Variants in MVD observed in about 807,000 individuals in gnomAD.
MVD encodes the protein diphosphomevalonate decarboxylase.
In MVD, 52 loss-of-function variants were observed where a neutral mutation model predicts 42.4. The observed-to-expected ratio is 1.23, with a 90% CI of 0.98 to 1.55. The LOEUF (loss-of-function observed/expected upper bound fraction) is 1.55. Among genes scored for constraint, MVD ranks in the 40% most tolerant of loss-of-function variants. The pLI, the probability that MVD is intolerant of heterozygous loss-of-function variation, is 0.00. For missense variants in MVD, 663 were observed against 572.1 expected (o/e 1.16, Z -1.62); for synonymous variants, 287 against 243.2 (o/e 1.18, Z -1.68).
rs577281388 is a variant in MVD at position 88,653,493 on chromosome 16, G to A, written c.1014-85C>T. 274 of 1,150,764 alleles carry A rather than the reference G, an allele frequency of 2.4e-4. 1 individual carries two copies. The African/African-American group carries it at 3.9e-3, about 17-fold the overall frequency. The allele number at this position is 1,150,764 out of a possible 1,614,324, so 71.3% of individuals were successfully genotyped here. ...TCTACAACAGGCAAGTCCAGAGATG[G>A]GAAGTGCATTCCTGGCCGTCAGGGC... On this transcript the variant is annotated intron_variant, in intron 8 of 9. Coordinates refer to ENST00000301012, the MANE Select transcript of MVD (RefSeq NM_002461.3).
chr16:88,652,573 G>C lies in MVD; in HGVS notation c.1155C>G (p.Pro385=), dbSNP rs772296266. 4 of 1,570,458 alleles carry C rather than the reference G, an allele frequency of 2.5e-6. No individual in the cohort carries two copies. In the South Asian group the frequency reaches 3.5e-5, roughly 14 times the overall value. ...VGPGPQILDD[P]CAHLLGPDGL... is the part of the protein sequence containing the mutation. The stretch of plus-strand genomic sequence containing the variant: ...CGTCAGGACCCAGGAGGTGGGCGCA[G>C]GGGTCATCCAGGATTTGAGGCCCTG... The change falls in exon 10 of 10, where the codon CCC becomes CCG. Residue 385 remains proline (P), a synonymous_variant. Coordinates refer to ENST00000301012, the MANE Select transcript of MVD (RefSeq NM_002461.3).
In MVD at chr16:88,655,313, G is replaced by A. The variant is rs1014224345; in HGVS notation, c.783C>T (p.Asn261=). 6 of 1,598,636 alleles carry A rather than the reference G, an allele frequency of 3.8e-6. No homozygotes were observed. The highest frequency in any genetic ancestry group is 1.3e-5 in the African/African-American group (1 of 74,808). Residue 261 remains asparagine, a synonymous_variant, in exon 7 of 10, where the codon AAC becomes AAT. Transcript: ENST00000301012. The stretch of plus-strand genomic sequence containing the variant: ...TGTCGAGGCAGGTGGCGTGGAACTG[G>A]TTGCTGTCCTTCATGGTCAGCTGGG... The part of the protein sequence containing the change: ...SFAQLTMKDS[N]QFHATCLDTF...
rs34888691 is a variant in MVD at position 88,652,597 on chromosome 16, T to C, written c.1131A>G (p.Pro377=). Residue 377 remains proline, a synonymous_variant, in exon 10 of 10, where the codon CCA becomes CCG. Transcript: ENST00000301012. ...VKYIIVTQVG[P]GPQILDDPCA... is the part of the protein sequence containing the mutation. The stretch of plus-strand genomic sequence containing the variant: ...AGGGGTCATCCAGGATTTGAGGCCC[T>C]GGCCCCACCTGGGGATAGAAATCCA... 7.8e-4 allele frequency: 1,215 copies of C among 1,557,602 alleles called. 4 individuals carry two copies. The African/African-American group carries it at 0.014, about 19-fold the overall frequency.
At chr16:88,658,548 G>T in intron 2 of MVD, 102 bp downstream of exon 2, 1 of 1,144,608 alleles carries the variant, frequency 8.7e-7, no homozygotes, top group Non-Finnish European at 1.3e-6. Context: ...CTCCCCAAGT[G>T]CTGGGATTGC....
chr16:88,659,097 C>A, intron 1 of MVD: 1 of 279,518 alleles, frequency 3.6e-6, no homozygotes, highest in African/African-American at 2.2e-5. Flanking sequence ...GCTCATATGC[C>A]CCAGGAACAT....
chr16:88,657,807 G>C, intron 3 of MVD, 108 bp downstream of exon 3: 1 of 1,322,204 alleles, frequency 7.6e-7, no homozygotes, highest in South Asian at 1.3e-5. Context: ...CTGGTTCCCA[G>C]CCACCCCGCC....
In MVD at chr16:88,655,409, G is replaced by C; in HGVS notation, c.687C>G (p.Ala229=). Residue 229 remains alanine (A), a synonymous_variant, in exon 7 of 10, where the codon GCC becomes GCG. Transcript: ENST00000301012. Reference sequence around the variant, plus strand: ...CCATGCGCGCGGGCACCACGGACTCGGCCCGGAACTGCAAGGCACAGGGTG... The same window carrying C: ...CCATGCGCGCGGGCACCACGGACTCCGCCCGGAACTGCAAGGCACAGGGTG... The part of the protein sequence containing the change: ...VETSPLLRFR[A]ESVVPARMAE... The C allele has an allele frequency of 1.3e-6, 2 of 1,574,084 alleles. No homozygotes were observed. The highest frequency in any genetic ancestry group is 2.3e-5 in the South Asian group (2 of 86,460).
Position 88,653,326 on chromosome 16 carries a change from C to CA in MVD, c.1095dup (p.Gly366TrpfsTer19). The CA allele has an allele frequency of 6.2e-7, 1 of 1,600,792 alleles. No homozygotes were observed. Among genetic ancestry groups the CA allele is most frequent in the South Asian group, 1.1e-5 (1 of 89,418 alleles). ...TGAGTGACAATGATGTATTTGACCC[C>CA]ACCGGGGGTCGGCTCCATGGCCAGC... On this transcript the variant is annotated frameshift_variant, in exon 9 of 10. Transcript: ENST00000301012.
At chr16:88,654,588 G>T in intron 8 of MVD, 104 bp downstream of exon 8, 1 of 1,160,680 alleles carries the variant, frequency 8.6e-7, no homozygotes, top group South Asian at 1.6e-5. Context: ...CCTGCCCTGG[G>T]ACTCCCTGTC....
At chr16:88,653,443 C>G in intron 8 of MVD, 35 bp from the exon 9 acceptor site, 1 of 1,552,296 alleles carries the variant, frequency 6.4e-7, no homozygotes, top group South Asian at 1.2e-5. Context: ...GTGAATGCAT[C>G]CGTTTCTCTA....
At chr16:88,660,689 A>G (rs554932288) in intron 1 of MVD, 1 of 149,846 alleles carries the variant, frequency 6.7e-6, no homozygotes, top group Non-Finnish European at 1.5e-5. Flanking sequence ...TAAAAATATA[A>G]ATATAAAATA....
Position 88,655,337 on chromosome 16 carries a change from G to C in MVD, c.759C>G (p.Ala253=), listed in dbSNP as rs1365415124. Residue 253 remains alanine, a synonymous_variant, in exon 7 of 10, where the codon GCC becomes GCG. Coordinates refer to ENST00000301012, the MANE Select transcript of MVD (RefSeq NM_002461.3). ...CIRERDFPSF[A]QLTMKDSNQF... ...GGTTGCTGTCCTTCATGGTCAGCTG[G>C]GCGAAGCTGGGGAAGTCTCGCTCCC... 4 of 1,602,218 alleles carry C rather than the reference G, an allele frequency of 2.5e-6. No homozygotes were observed. The highest frequency in any genetic ancestry group is 3.4e-5 in the Admixed American group (2 of 58,578).
chr16:88,655,810 C>T, intron 5 of MVD, 80 bp from the exon 6 acceptor site: 4 of 1,490,140 alleles, frequency 2.7e-6, no homozygotes, highest in Non-Finnish European at 3.6e-6. Context: ...ACTCGGCCCT[C>T]CCTCAGCCAA....
rs1201855869 is a variant in MVD at position 88,655,747 on chromosome 16, C to T, written c.604-17G>A. On this transcript the variant is annotated splice_polypyrimidine_tract_variant and intron_variant, in intron 5 of 9. Transcript: ENST00000301012. Reference sequence around the variant, plus strand: ...AGCGCTCACCTGCACGAGGGAGAGACAGCCTGGGCCACACCCTGCAGGGGG... The same window carrying T: ...AGCGCTCACCTGCACGAGGGAGAGATAGCCTGGGCCACACCCTGCAGGGGG... The T allele has an allele frequency of 3.2e-5, 49 of 1,551,214 alleles. No individual in the cohort carries two copies. The highest frequency in any genetic ancestry group is 2.9e-4 in the East Asian group (12 of 41,000).
At chr16:88,657,606 G>A (rs1908016367) in intron 3 of MVD, 24 bp from the exon 4 acceptor site, 1 of 1,606,292 alleles carries the variant, frequency 6.2e-7, no homozygotes, top group East Asian at 2.2e-5. Context: ...GAGACAGCGT[G>A]TGGCCCAGCC....
chr16:88,658,576 C>A, intron 2 of MVD, 74 bp downstream of exon 2: 2 of 1,475,742 alleles, frequency 1.4e-6, no homozygotes, highest in Non-Finnish European at 1.9e-6. Flanking sequence ...AGCCACCATA[C>A]CCAACGGGTA....
At chr16:88,659,893 G>A (rs1797142366) in intron 1 of MVD, among the ~76,000 whole-genome samples, 1 of 151,730 alleles carries the variant, frequency 6.6e-6, no homozygotes, top group South Asian at 2.1e-4. Flanking sequence ...CTTGAACCTG[G>A]GAGGCGGAGG....
rs1907874330 is a variant in MVD, at chr16:88,655,710, C to T, written c.624G>A (p.Leu208=). 6.4e-7 allele frequency: 1 copy of T among 1,559,970 alleles called. No individual in the cohort carries two copies. Among genetic ancestry groups the T allele is most frequent in the African/African-American group, 1.4e-5 (1 of 73,446 alleles). Residue 208 remains leucine, a synonymous_variant, in exon 6 of 10, where the codon CTG becomes CTA. Transcript: ENST00000301012. ...CCCGCATGCCCACGGTACTGCCTGT[C>T]AGCTTCTTCTCAGCGCTCACCTGCA... The part of the protein sequence containing the change: ...LILVVSAEKK[L]TGSTVGMRAS...
intron 1 of MVD, 58 bp downstream of exon 1, chr16:88,662,953 C>T: frequency 1.3e-6 from 2 of 1,559,968 alleles, no homozygotes; most frequent in South Asian, 2.3e-5. Flanking sequence ...CGCGCGACCC[C>T]CGCGTACCCG....
Sources: allele counts gnomAD v4.1 joint callset (sites outside exome capture counted in the v4.1 genomes callset), GRCh38; gene constraint gnomAD v4.1.1; transcripts MANE v1.5; gene names NCBI Gene and HGNC (gene_info 2026-07-23, HGNC 2026-07-21).